Variants in NALF1 observed in about 807,000 individuals in gnomAD.
NALF1 encodes the protein NALCN channel auxiliary factor 1, also known as family with sequence similarity 155 member A.
NALF1 carries 3 observed loss-of-function variants against 48.4 expected under a neutral mutation model. The ratio of observed to expected loss-of-function variants is 0.06; its 90% CI spans 0.03 to 0.16. The LOEUF (loss-of-function observed/expected upper bound fraction) is 0.16, where lower values mean the gene tolerates loss of function less well. Among genes scored for constraint, NALF1 ranks in the 10% least tolerant of loss-of-function variants. NALF1 has a pLI of 1.00. For missense variants in NALF1, 526 were observed against 571.5 expected, an observed-to-expected ratio of 0.92 and a Z score of 0.81; for synonymous variants, 262 against 245.7, an observed-to-expected ratio of 1.07 and a Z score of -0.62.
At chr13:107,434,704 A>G (rs950731921) in intron 1 of NALF1, among the ~76,000 whole-genome samples, 53 of 152,334 alleles carry the variant, frequency 3.5e-4, no homozygotes, top group Middle Eastern at 3.4e-3. Context: ...CTGCCACTTA[A>G]AAGCAAGGCC....
At chr13:107,405,382 G>T (rs911031132) in intron 1 of NALF1, among the ~76,000 whole-genome samples, 4 of 152,152 alleles carry the variant, frequency 2.6e-5, no homozygotes, top group African/African-American at 7.2e-5. Context: ...ATTATTGGCT[G>T]GTGGATGCTC....
At chr13:107,863,914 A>C (rs1880643421) in intron 1 of NALF1, among the ~76,000 whole-genome samples, 1 of 152,220 alleles carries the variant, frequency 6.6e-6, no homozygotes, top group African/African-American at 2.4e-5. Context: ...ACTGAGTTAT[A>C]CAAATGGAAA....
At chr13:107,306,268 G>C (rs1048251884) in intron 1 of NALF1, among the ~76,000 whole-genome samples, 1 of 152,164 alleles carries the variant, frequency 6.6e-6, no homozygotes, top group African/African-American at 2.4e-5. Context: ...CATGATCGCT[G>C]TTGGACCGTG....
intron 1 of NALF1, among the ~76,000 whole-genome samples, chr13:107,243,128 C>G (rs4772861): frequency 0.19 from 29,547 of 151,996 alleles, 4,211 homozygotes; most frequent in East Asian, 0.4. Flanking sequence ...AATGTCTCCC[C>G]TGTCAGGCCT....
chr13:107,786,750 G>A (rs1221673649), intron 1 of NALF1, among the ~76,000 whole-genome samples: 1 of 150,478 alleles, frequency 6.6e-6, no homozygotes, highest in East Asian at 1.9e-4. Context: ...AAAAGAGAGA[G>A]AGAGAAAGAG....
intron 1 of NALF1, among the ~76,000 whole-genome samples, chr13:107,483,165 T>C (rs781539836): frequency 9.9e-5 from 15 of 152,148 alleles, no homozygotes; most frequent in Non-Finnish European, 1.8e-4. Context: ...TAGGAAGAAA[T>C]CACTATCCAT....
chr13:107,536,710 C>T (rs1386682771), intron 1 of NALF1, among the ~76,000 whole-genome samples: 1 of 152,056 alleles, frequency 6.6e-6, no homozygotes, highest in Non-Finnish European at 1.5e-5. Flanking sequence ...ACCATTTGAC[C>T]CAGCCATCCC....
chr13:107,788,734 G>A (rs1254553990), intron 1 of NALF1: 1 of 152,026 alleles, frequency 6.6e-6, no homozygotes, highest in Admixed American at 6.6e-5. Flanking sequence ...TCATTTAGCA[G>A]CTAGAATATA....
chr13:107,220,660 G>A (rs1322284666), intron 1 of NALF1, among the ~76,000 whole-genome samples: 1 of 152,150 alleles, frequency 6.6e-6, no homozygotes, highest in Non-Finnish European at 1.5e-5. Flanking sequence ...ATTTTCCCTG[G>A]CATCAGAAAT....
At chr13:107,386,523 A>C (rs1241646036) in intron 1 of NALF1, among the ~76,000 whole-genome samples, 1 of 152,150 alleles carries the variant, frequency 6.6e-6, no homozygotes, top group African/African-American at 2.4e-5. Flanking sequence ...GAGTCTTCGA[A>C]ATCCCTAAGC....
chr13:107,704,159 T>C (rs4277218), intron 1 of NALF1, among the ~76,000 whole-genome samples: 151,834 of 152,304 alleles, frequency 1, 75,687 homozygotes, highest in East Asian at 1. Flanking sequence ...TATGTTTTGC[T>C]ATGTAAAATT....
intron 1 of NALF1, among the ~76,000 whole-genome samples, chr13:107,553,921 A>G (rs7333466): frequency 0.56 from 85,497 of 152,048 alleles, 24,179 homozygotes; most frequent in East Asian, 0.66. Flanking sequence ...CAAAGTCCAC[A>G]TCGTCTTTAA....
intron 1 of NALF1, among the ~76,000 whole-genome samples, chr13:107,556,752 C>T (rs1222049797): frequency 6.6e-6 from 1 of 152,142 alleles, no homozygotes; most frequent in African/African-American, 2.4e-5. Context: ...TCCCAAAGTA[C>T]TGGGATTACA....
chr13:107,313,074 T>TA (rs1566482254), intron 1 of NALF1, among the ~76,000 whole-genome samples: 1 of 152,006 alleles, frequency 6.6e-6, no homozygotes, highest in Admixed American at 6.6e-5. Flanking sequence ...TGGAAGTTTT[T>TA]AAAAAACAGA....
chr13:107,826,408 G>T (rs1879522324), intron 1 of NALF1, among the ~76,000 whole-genome samples: 1 of 152,126 alleles, frequency 6.6e-6, no homozygotes, highest in Non-Finnish European at 1.5e-5. Context: ...TTCAAGAGCT[G>T]CCAAGCCCAC....
intron 1 of NALF1, among the ~76,000 whole-genome samples, chr13:107,390,761 T>C (rs1169651229): frequency 6.6e-6 from 1 of 152,008 alleles, no homozygotes; most frequent in Non-Finnish European, 1.5e-5. Context: ...ATTGCCAGAC[T>C]TCACATAAAA....
chr13:107,262,969 T>TG (rs779471830), intron 1 of NALF1, among the ~76,000 whole-genome samples: 3 of 152,158 alleles, frequency 2.0e-5, no homozygotes, highest in African/African-American at 4.8e-5. Flanking sequence ...TGTATAGGAA[T>TG]GATTCAGGGC....
At chr13:107,753,465 G>A (rs899395599) in intron 1 of NALF1, among the ~76,000 whole-genome samples, 4 of 149,750 alleles carry the variant, frequency 2.7e-5, no homozygotes, top group African/African-American at 4.9e-5. Context: ...TGTAAATAGT[G>A]TGTTTGGTCA....
At chr13:107,586,303 A>G (rs1878454371) in intron 1 of NALF1, among the ~76,000 whole-genome samples, 1 of 152,070 alleles carries the variant, frequency 6.6e-6, no homozygotes, top group African/African-American at 2.4e-5. Flanking sequence ...TGGTTAGTAA[A>G]AGACGAAAAC....
Sources: allele counts gnomAD v4.1 joint callset (sites outside exome capture counted in the v4.1 genomes callset), GRCh38; gene constraint gnomAD v4.1.1; transcripts MANE v1.5; gene names NCBI Gene and HGNC (gene_info 2026-07-23, HGNC 2026-07-21).